The following NEK11 variants were observed in gnomAD, a reference collection of about 807,000 sequenced individuals.
NEK11 encodes the protein NIMA related kinase 11.
Under a neutral mutation model 80.7 loss-of-function variants are expected in NEK11, and 72 were observed. The ratio of observed to expected loss-of-function variants is 0.89; its 90% confidence interval spans 0.74 to 1.08. The LOEUF (loss-of-function observed/expected upper bound fraction) is 1.08. NEK11 is among the 50% of genes least tolerant of loss of function. The pLI is 0.00. For missense variants in NEK11, 764 were observed against 763.6 expected (o/e 1.00, Z -0.01); for synonymous variants, 251 against 260.7 (o/e 0.96, Z 0.36).
At chr3:131,209,301 C>A (rs1022685071) in intron 14 of NEK11, among the ~76,000 whole-genome samples, 14 of 152,144 alleles carry the variant, frequency 9.2e-5, no homozygotes, top group African/African-American at 2.7e-4. Flanking sequence ...TATGTTGAAC[C>A]AGCCTTGCAT....
At chr3:131,127,099 G>A (rs926325436) in intron 5 of NEK11, among the ~76,000 whole-genome samples, 1 of 151,216 alleles carries the variant, frequency 6.6e-6, no homozygotes, top group Admixed American at 6.6e-5. Context: ...CTGAGTAGCT[G>A]GAACTACAAG....
rs115689549 is a variant in NEK11 at position 131,192,232 on chromosome 3, A to G, written c.1399+21345A>G. ...TAGGAAAATGCAGTTAAAAATCACA[A>G]TGAGATACGACTTTACACCCATTAG... On this transcript the variant is annotated intron_variant, in intron 14 of 17. Transcript: ENST00000383366. Among the ~76,000 whole-genome samples the G allele has an allele frequency of 1.5e-3, 224 of 152,244 alleles. 1 individual carries two copies. Among genetic ancestry groups the G allele is most frequent in the South Asian group, 3.3e-3 (16 of 4,830 alleles).
intron 14 of NEK11, among the ~76,000 whole-genome samples, chr3:131,172,953 A>G (rs965848319): frequency 1.3e-5 from 2 of 152,206 alleles, no homozygotes; most frequent in African/African-American, 4.8e-5. Context: ...TTAGCATGCT[A>G]AAAGACACTC....
intron 3 of NEK11, among the ~76,000 whole-genome samples, chr3:131,060,664 T>C (rs2070689896): frequency 6.6e-6 from 1 of 152,216 alleles, no homozygotes; most frequent in Non-Finnish European, 1.5e-5. Context: ...TGGGTAGATA[T>C]CATTCATAAT....
intron 17 of NEK11, among the ~76,000 whole-genome samples, chr3:131,344,096 T>A (rs2097326887): frequency 6.6e-6 from 1 of 152,234 alleles, no homozygotes; most frequent in Non-Finnish European, 1.5e-5. Context: ...CCCTTTTAAA[T>A]ATAAATTCCA....
chr3:131,258,888 T>C (rs1370634898), intron 16 of NEK11, among the ~76,000 whole-genome samples: 1 of 152,210 alleles, frequency 6.6e-6, no homozygotes, highest in Non-Finnish European at 1.5e-5. Flanking sequence ...AGTGGAGTCC[T>C]ATTGATACAC....
At chr3:131,080,296 A>G in intron 3 of NEK11, 127 bp from the exon 4 acceptor site, 1 of 677,618 alleles carries the variant, frequency 1.5e-6, no homozygotes, top group South Asian at 2.1e-5. Context: ...CAGTGTCATA[A>G]TAGGCAATAC....
intron 14 of NEK11, among the ~76,000 whole-genome samples, chr3:131,216,956 C>A (rs971136237): frequency 1.3e-5 from 2 of 152,092 alleles, no homozygotes; most frequent in Non-Finnish European, 2.9e-5. Flanking sequence ...CCAGCAGGGG[C>A]CCATGGTATC....
chr3:131,198,958 A>C (rs892211310), intron 14 of NEK11, among the ~76,000 whole-genome samples: 2 of 152,072 alleles, frequency 1.3e-5, no homozygotes, highest in African/African-American at 4.8e-5. Context: ...GGGTTTTGGG[A>C]TGAGGACAAG....
intron 5 of NEK11, among the ~76,000 whole-genome samples, chr3:131,115,910 C>CTTTCTTTCTTT (rs2080972261): frequency 2.1e-5 from 1 of 46,896 alleles, no homozygotes; most frequent in African/African-American, 9.4e-5. Flanking sequence ...TGTTTTCTTT[C>CTTTCTTTCTTT]TTTCTTTCTT....
chr3:131,135,683 A>C (rs2085425444), intron 7 of NEK11, among the ~76,000 whole-genome samples: 1 of 152,132 alleles, frequency 6.6e-6, no homozygotes, highest in East Asian at 1.9e-4. Flanking sequence ...AATTAATATT[A>C]TGGACATTTT....
At chr3:131,178,527 C>T (rs1031664340) in intron 14 of NEK11, among the ~76,000 whole-genome samples, 2 of 152,158 alleles carry the variant, frequency 1.3e-5, no homozygotes, top group African/African-American at 4.8e-5. Context: ...GTCACGAACA[C>T]ACATATTAGC....
intron 4 of NEK11, among the ~76,000 whole-genome samples, chr3:131,082,232 A>ACAGATACTT (rs2149046538): frequency 6.6e-6 from 1 of 152,352 alleles, no homozygotes; most frequent in Non-Finnish European, 1.5e-5. Context: ...GTGCAAAACT[A>ACAGATACTT]CAGATACTTG....
chr3:131,206,088 C>T (rs957657594), intron 14 of NEK11, among the ~76,000 whole-genome samples: 2 of 152,196 alleles, frequency 1.3e-5, no homozygotes, highest in Non-Finnish European at 2.9e-5. Context: ...AGAGCACCCA[C>T]ATTCACCAAA....
intron 7 of NEK11, among the ~76,000 whole-genome samples, chr3:131,143,727 T>A (rs2087494872): frequency 6.6e-6 from 1 of 151,972 alleles, no homozygotes; most frequent in Non-Finnish European, 1.5e-5. Flanking sequence ...ATATTGTTCC[T>A]TAAGTACTAT....
chr3:131,277,815 TCATCTGTGAAGTGGGA>T (rs2108767498), intron 17 of NEK11, among the ~76,000 whole-genome samples: 1 of 152,340 alleles, frequency 6.6e-6, no homozygotes, highest in Non-Finnish European at 1.5e-5. Context: ...CTCAGATTTC[TCATCTGTGAAGTGGGA>T]CTAATAATGA....
At chr3:131,131,853 T>G (rs576033919) in intron 5 of NEK11, among the ~76,000 whole-genome samples, 4 of 152,226 alleles carry the variant, frequency 2.6e-5, no homozygotes, top group Admixed American at 2.6e-4. Flanking sequence ...TAAATTTCCC[T>G]CTAAGCACTG....
intron 14 of NEK11, among the ~76,000 whole-genome samples, chr3:131,181,108 A>T (rs2093319442): frequency 6.6e-6 from 1 of 152,202 alleles, no homozygotes; most frequent in South Asian, 2.1e-4. Flanking sequence ...AGGGGAATGA[A>T]TTAAGGTTAC....
intron 4 of NEK11, among the ~76,000 whole-genome samples, chr3:131,094,238 C>A (rs979293255): frequency 6.6e-6 from 1 of 151,612 alleles, no homozygotes; most frequent in Non-Finnish European, 1.5e-5. Context: ...GGTTCTAGAT[C>A]ATGAAAGATC....
Sources: gnomAD v4.1 joint callset for allele counts (sites outside exome capture counted in the v4.1 genomes callset) on GRCh38, gnomAD v4.1.1 for gene constraint, MANE v1.5 for transcripts, NCBI Gene and HGNC (gene_info 2026-07-23, HGNC 2026-07-21) for gene names.